SLC44A2: variants seen among roughly 807,000 people sequenced by gnomAD.
SLC44A2 encodes the protein choline transporter-like protein 2.
SLC44A2 carries 57 observed loss-of-function variants against 90.8 expected under a neutral mutation model. That is an observed-to-expected ratio of 0.63 (90% CI 0.51 to 0.78). The LOEUF (loss-of-function observed/expected upper bound fraction) is 0.78, where lower values mean the gene tolerates loss of function less well. Among genes scored for constraint, SLC44A2 ranks in the 30% least tolerant of loss-of-function variants. The pLI is 0.00. For missense variants in SLC44A2, 794 were observed against 919.7 expected (o/e 0.86, Z 1.77); for synonymous variants, 355 against 360.7 (o/e 0.98, Z 0.18).
chr19:10,603,317 G>A (rs1474504960), intron 1 of SLC44A2, among the ~76,000 whole-genome samples: 1 of 152,108 alleles, frequency 6.6e-6, no homozygotes, highest in Non-Finnish European at 1.5e-5. Flanking sequence ...AATTCCCACG[G>A]TGGGAGGAGT....
chr19:10,620,814 G>A (rs954802494), upstream of SLC44A2, among the ~76,000 whole-genome samples: 2 of 152,114 alleles, frequency 1.3e-5, no homozygotes, highest in Non-Finnish European at 2.9e-5. Context: ...AGGAAGGCTT[G>A]AGCCCATTGA....
At chr19:10,636,794 G>A (rs932885220) in intron 16 of SLC44A2, 38 bp downstream of exon 16, 2 of 1,588,460 alleles carry the variant, frequency 1.3e-6, no homozygotes, top group Non-Finnish European at 1.7e-6. Flanking sequence ...CTCCTGTTGC[G>A]GGGCGAGGCT....
chr19:10,625,505 G>A (rs139154013), upstream of SLC44A2: 50,906 of 1,223,012 alleles, frequency 0.042, 1,276 homozygotes, highest in Non-Finnish European at 0.048. Flanking sequence ...GGTTTGGGCC[G>A]CCCCGCCTGG....
At position 10,642,416 on chromosome 19, in the gene SLC44A2, A is replaced by G. The variant is rs1023184660; in HGVS notation, c.1979A>G (p.Tyr660Cys). ...ATTGCACACGGTTTCTTCAGCGTCT[A>G]TGGCATGTGTGTGGACACGCTGTTC... ...YLIAHGFFSV[Y>C]GMCVDTLFLC... is the part of the protein sequence containing the mutation. Residue 660 changes from tyrosine (Y) to cysteine (C), a missense_variant, in exon 21 of 22, where the codon TAT (tyrosine) becomes TGT (cysteine). By Grantham distance (194) the Tyr-to-Cys change is radical. Coordinates refer to ENST00000335757, the MANE Select transcript of SLC44A2 (RefSeq NM_020428.4). 1 of 1,614,092 alleles carries G rather than the reference A, an allele frequency of 6.2e-7. No homozygotes were observed. Among genetic ancestry groups the G allele is most frequent in the Non-Finnish European group, 8.5e-7 (1 of 1,180,010 alleles).
intron 2 of SLC44A2, among the ~76,000 whole-genome samples, chr19:10,627,153 T>C (rs1303882092): frequency 6.6e-6 from 1 of 151,904 alleles, no homozygotes; most frequent in African/African-American, 2.4e-5. Context: ...AAACCCTGTC[T>C]CTACTAAAAA....
intron 1 of SLC44A2, among the ~76,000 whole-genome samples, chr19:10,607,755 T>A (rs1470148523): frequency 8.7e-5 from 13 of 148,614 alleles, no homozygotes; most frequent in African/African-American, 1.5e-4. Context: ...TTATTATTTT[T>A]TTTTTTTTGA....
At chr19:10,616,354 G>C (rs752562200) in intron 1 of SLC44A2, among the ~76,000 whole-genome samples, 8 of 151,814 alleles carry the variant, frequency 5.3e-5, no homozygotes, top group African/African-American at 1.9e-4. Context: ...CCTCAGGCTC[G>C]CAAGTAGCTG....
At chr19:10,611,326 C>A (rs982307532) in intron 1 of SLC44A2, among the ~76,000 whole-genome samples, 1 of 152,032 alleles carries the variant, frequency 6.6e-6, no homozygotes, top group Non-Finnish European at 1.5e-5. Flanking sequence ...GTGGCAGGTA[C>A]CTGTAATCTC....
intron 2 of SLC44A2, 36 bp from the exon 3 acceptor site, chr19:10,627,686 C>T: frequency 4.3e-6 from 7 of 1,609,294 alleles, no homozygotes; most frequent in Non-Finnish European, 3.4e-6. Context: ...CACACAGCAC[C>T]AAGCCTCCTC....
At position 10,633,445 on chromosome 19, in the gene SLC44A2, C is replaced by A. The variant is rs376600016; in HGVS notation, c.823+1289C>A. ...AAAGTGCTGGGATTACAGACGTGAG[C>A]CACCGCGCCCAGCCTTGATTTGTTT... On this transcript the variant is annotated intron_variant, in intron 10 of 21. Coordinates refer to ENST00000335757, the MANE Select transcript of SLC44A2 (RefSeq NM_020428.4). Among the ~76,000 whole-genome samples, 7 of 151,574 alleles carry A rather than the reference C, an allele frequency of 4.6e-5. No individual in the cohort carries two copies. The East Asian group carries it at 1.2e-3, about 25-fold the overall frequency.
rs1244578167 is a variant in SLC44A2 at position 10,638,262 on chromosome 19, A to G, written c.1876A>G (p.Arg626Gly). The change falls in exon 20 of 22, where the codon AGG (arginine) becomes GGG (glycine). Residue 626 changes from arginine to glycine, a missense_variant. Transcript: ENST00000335757. ...LAFFFFTHRIRIVQDTAPPLN... is the reference protein window; with the variant it reads ...LAFFFFTHRIGIVQDTAPPLN... ...TTTCTTCTTCTTCACCCACCGTATC[A>G]GGATCGTGCAGGATACAGCACCACC... 1.5e-5 allele frequency: 25 copies of G among 1,613,954 alleles called. No homozygotes were observed. Among genetic ancestry groups the G allele is most frequent in the Non-Finnish European group, 2.1e-5 (25 of 1,180,028 alleles).
At chr19:10,619,719 C>T (rs2066883300) in intron 1 of SLC44A2, among the ~76,000 whole-genome samples, 1 of 151,998 alleles carries the variant, frequency 6.6e-6, no homozygotes, top group African/African-American at 2.4e-5. Context: ...TTCCAGAGGC[C>T]GAGGCAGGCG....
intron 2 of SLC44A2, 42 bp from the exon 3 acceptor site, chr19:10,627,680 C>G (rs775475016): frequency 6.3e-6 from 10 of 1,588,340 alleles, no homozygotes; most frequent in Non-Finnish European, 8.6e-7. Flanking sequence ...ATGGTGCACA[C>G]AGCACCAAGC....
At chr19:10,640,644 G>A (rs1041176825) in intron 20 of SLC44A2, among the ~76,000 whole-genome samples, 1 of 152,188 alleles carries the variant, frequency 6.6e-6, no homozygotes, top group Non-Finnish European at 1.5e-5. Flanking sequence ...CCAAGGCCGT[G>A]TGAGTCTCCA....
chr19:10,636,522 C>T lies in SLC44A2; in HGVS notation c.1433C>T (p.Ala478Val). The T allele has an allele frequency of 1.2e-6, 2 of 1,611,272 alleles. No individual in the cohort carries two copies. The highest frequency in any genetic ancestry group is 1.7e-6 in the Non-Finnish European group (2 of 1,179,936). ...GGGGCCTTTGCCTCCTACTACTGGG[C>T]CCTGCGCAAGCCGGACGACCTGCCG... ...LAGAFASYYW[A>V]LRKPDDLPAF... Residue 478 changes from alanine (A) to valine (V), a missense_variant, in exon 15 of 22, where the codon GCC becomes GTC. This residue lies in a region of SLC44A2 where 738 missense variants were observed against 841.1 expected (regional missense o/e 0.88). Transcript: ENST00000335757.
chr19:10,627,372 C>T (rs1173058332), intron 2 of SLC44A2, among the ~76,000 whole-genome samples: 2 of 149,684 alleles, frequency 1.3e-5, no homozygotes, highest in African/African-American at 4.9e-5. Context: ...CTTGTCTCTA[C>T]AGAATGTATA....
chr19:10,607,076 T>A (rs1774380277), intron 1 of SLC44A2, among the ~76,000 whole-genome samples: 1 of 151,296 alleles, frequency 6.6e-6, no homozygotes, highest in African/African-American at 2.4e-5. Flanking sequence ...CACGCCTGGC[T>A]AATTTTTTTG....
Position 10,636,664 on chromosome 19 carries a change from A to G in SLC44A2, c.1499A>G (p.Tyr500Cys). The G allele has an allele frequency of 6.2e-7, 1 of 1,612,872 alleles. No homozygotes were observed. The highest frequency in any genetic ancestry group is 8.5e-7 in the Non-Finnish European group (1 of 1,179,708). ...LFSAFGRALR[Y>C]HTGSLAFGAL... ...CCGACCACTCCCTCGGCCCGCAGGT[A>G]CCACACAGGCTCCCTGGCCTTTGGC... Residue 500 changes from tyrosine (Y) to cysteine (C), a missense_variant and splice_region_variant, in exon 16 of 22, where the codon TAC becomes TGC. This residue lies in a region of SLC44A2 where 738 missense variants were observed against 841.1 expected (regional missense o/e 0.88). Transcript: ENST00000335757.
Position 10,631,127 on chromosome 19 carries a change from T to A in SLC44A2, c.316T>A (p.Cys106Ser). The A allele has an allele frequency of 6.2e-7, 1 of 1,613,974 alleles. No homozygotes were observed. The highest frequency in any genetic ancestry group is 1.1e-5 in the South Asian group (1 of 91,078). The change falls in exon 5 of 22, where the codon TGT (cysteine) becomes AGT (serine). Residue 106 changes from cysteine to serine, a missense_variant. Coordinates refer to ENST00000335757, the MANE Select transcript of SLC44A2 (RefSeq NM_020428.4). The stretch of plus-strand genomic sequence containing the variant: ...CCCCCTGGTTCTGCTGGAATTCCAA[T>A]GTCCCACTCCCCAGGTAACCTGGTC... ...ASPLVLLEFQ[C>S]PTPQICVEKC...
Sources: gnomAD v4.1 joint callset for allele counts (sites outside exome capture counted in the v4.1 genomes callset) on GRCh38, gnomAD v4.1.1 for gene constraint, gnomAD v4.1.1 regional missense constraint, MANE v1.5 for transcripts, NCBI Gene and HGNC (gene_info 2026-07-23, HGNC 2026-07-21) for gene names.